The following SV2C variants were observed in gnomAD, a reference collection of about 807,000 sequenced individuals.
SV2C encodes the protein synaptic vesicle glycoprotein 2C.
In SV2C, 49 loss-of-function variants were observed where a neutral mutation model predicts 79.7. The observed-to-expected ratio is 0.61, with a 90% CI of 0.49 to 0.78. The LOEUF (loss-of-function observed/expected upper bound fraction) is 0.78, where lower values mean the gene tolerates loss of function less well. Among genes scored for constraint, SV2C ranks in the 30% least tolerant of loss-of-function variants. The probability of loss-of-function intolerance (pLI) is 0.00; values close to 1 mark genes in which losing one functional copy is unlikely to be tolerated. For missense variants in SV2C, 833 were observed against 912.9 expected, an observed-to-expected ratio of 0.91 and a Z score of 1.13; for synonymous variants, 334 against 333.2, an observed-to-expected ratio of 1.00 and a Z score of -0.03.
intron 4 of SV2C, among the ~76,000 whole-genome samples, chr5:76,227,618 G>A (rs549227332): frequency 4.6e-5 from 7 of 152,108 alleles, no homozygotes; most frequent in South Asian, 2.1e-4. Flanking sequence ...TATAACCTCC[G>A]TGGCACTGAA....
chr5:75,921,534 T>C, the SV2C span: 440 of 827,050 alleles, frequency 5.3e-4, 3 homozygotes, highest in African/African-American at 6.5e-3. Context: ...TCTGGGGAGA[T>C]GATTGAAGGC....
chr5:76,301,017 G>T (rs1437145407), intron 11 of SV2C, 85 bp downstream of exon 11: 2 of 1,434,294 alleles, frequency 1.4e-6, no homozygotes, highest in East Asian at 4.6e-5. Context: ...CCATCTATTA[G>T]GGATTTGCAT....
the SV2C span, among the ~76,000 whole-genome samples, chr5:75,993,589 G>A: frequency 2.0e-5 from 3 of 151,976 alleles, no homozygotes; most frequent in East Asian, 1.9e-4. Context: ...AAGAAGGCAC[G>A]TCCCCAAAAT....
rs1242681095 is a variant in SV2C, at chr5:76,142,454, T to C, written c.580+10124T>C. 3.3e-5 allele frequency among the ~76,000 whole-genome samples: 5 copies of C among 152,334 alleles called. No homozygotes were observed. In the South Asian group the frequency reaches 1.0e-3, roughly 32 times the overall value. On this transcript the variant is annotated intron_variant, in intron 2 of 12. Coordinates refer to ENST00000502798, the MANE Select transcript of SV2C (RefSeq NM_014979.4). ...TATGTAAATACAGATTAGTTCATCT[T>C]TGCTAACTTCACATTATTTCACATA...
In SV2C at chr5:76,195,057, GTTATGGCT is replaced by G; in HGVS notation, c.721_728del (p.Tyr241LeufsTer25). On this transcript the variant is annotated frameshift_variant, in exon 3 of 13. Transcript: ENST00000502798. LOFTEE classifies it high-confidence loss of function. The stretch of plus-strand genomic sequence containing the variant: ...GCCTTCCTTTCTTCATTTGTCCAAG[GTTATGGCT>G]TCTTTCTCTTCTGTCGCTTACTTTC... The G allele has an allele frequency of 6.2e-7, 1 of 1,614,012 alleles. No homozygotes were observed. The highest frequency in any genetic ancestry group is 1.7e-5 in the Admixed American group (1 of 60,006).
chr5:76,248,817 C>T (rs1274719127), intron 4 of SV2C, among the ~76,000 whole-genome samples: 2 of 152,100 alleles, frequency 1.3e-5, no homozygotes, highest in Admixed American at 1.3e-4. Context: ...CAGGATTTCA[C>T]CATGTTGGCC....
intron 2 of SV2C, among the ~76,000 whole-genome samples, chr5:76,164,558 T>G (rs1044141432): frequency 6.6e-6 from 1 of 152,212 alleles, no homozygotes. Flanking sequence ...AGTTAAATCA[T>G]GTGACTAAGC....
intron 12 of SV2C, among the ~76,000 whole-genome samples, chr5:76,315,973 G>A (rs1472581913): frequency 6.6e-6 from 1 of 152,190 alleles, no homozygotes; most frequent in Non-Finnish European, 1.5e-5. Context: ...GGTCATATAT[G>A]TGAAGGTGTT....
chr5:76,131,514 CAA>C (rs35999597), intron 1 of SV2C, 134 bp from the exon 2 acceptor site: 8,204 of 153,780 alleles, frequency 0.053, no homozygotes, highest in Middle Eastern at 0.075. Flanking sequence ...ACAGTGAGAT[CAA>C]AAAAAAAAAA....
chr5:76,322,275 T>C (rs1021761923), intron 12 of SV2C, among the ~76,000 whole-genome samples: 3 of 152,104 alleles, frequency 2.0e-5, no homozygotes, highest in Admixed American at 2.0e-4. Flanking sequence ...ATGAGTGAAC[T>C]CCCATTCACA....
At chr5:76,096,074 T>G (rs1015181217) in intron 1 of SV2C, among the ~76,000 whole-genome samples, 1 of 152,158 alleles carries the variant, frequency 6.6e-6, no homozygotes, top group Admixed American at 6.6e-5. Context: ...TATTCTATCT[T>G]TCCACGTGAT....
intron 5 of SV2C, 187 bp downstream of exon 5, chr5:76,285,482 C>G (rs1423820655): frequency 4.0e-6 from 3 of 753,854 alleles, no homozygotes; most frequent in Non-Finnish European, 6.2e-6. Context: ...TGCCTCATGG[C>G]TAGAAAGCAC....
chr5:75,888,390 C>A, the SV2C span, among the ~76,000 whole-genome samples: 1 of 151,666 alleles, frequency 6.6e-6, no homozygotes, highest in Non-Finnish European at 1.5e-5. Context: ...TGGATTTCAA[C>A]GGACTGGCCC....
chr5:76,127,721 G>T (rs566186746), intron 1 of SV2C, among the ~76,000 whole-genome samples: 1 of 152,110 alleles, frequency 6.6e-6, no homozygotes, highest in African/African-American at 2.4e-5. Context: ...TTGCCTTTTG[G>T]TGCGGAGAAC....
chr5:75,960,745 A>G, the SV2C span, among the ~76,000 whole-genome samples: 1 of 152,118 alleles, frequency 6.6e-6, no homozygotes, highest in African/African-American at 2.4e-5. Flanking sequence ...TCATTAAAGG[A>G]CACATGATTA....
At chr5:76,208,583 A>C (rs1404055505) in intron 3 of SV2C, among the ~76,000 whole-genome samples, 1 of 152,242 alleles carries the variant, frequency 6.6e-6, no homozygotes, top group Non-Finnish European at 1.5e-5. Context: ...GAACACTGCC[A>C]ATACTTCTTT....
At chr5:76,205,653 G>A (rs1561263554) in intron 3 of SV2C, among the ~76,000 whole-genome samples, 3 of 152,116 alleles carry the variant, frequency 2.0e-5, no homozygotes, top group African/African-American at 4.8e-5. Context: ...AGGTCTCCAC[G>A]TAAACTGGAT....
chr5:76,300,117 C>T (rs1747929723), intron 10 of SV2C, among the ~76,000 whole-genome samples: 1 of 151,576 alleles, frequency 6.6e-6, no homozygotes, highest in Non-Finnish European at 1.5e-5. Context: ...GGCTGGAGTA[C>T]AGTGGCGCAA....
intron 12 of SV2C, among the ~76,000 whole-genome samples, chr5:76,302,379 A>G (rs1449954995): frequency 6.6e-6 from 1 of 152,044 alleles, no homozygotes; most frequent in East Asian, 1.9e-4. Context: ...AATCCCAGCA[A>G]TTTGGGAGGC....
Sources: gnomAD v4.1 joint callset for allele counts (sites outside exome capture counted in the v4.1 genomes callset) on GRCh38, gnomAD v4.1.1 for gene constraint, MANE v1.5 for transcripts, NCBI Gene and HGNC (gene_info 2026-07-23, HGNC 2026-07-21) for gene names.